The following SLC44A5 variants were observed in gnomAD, a reference collection of about 807,000 sequenced individuals.
The protein encoded by SLC44A5 is choline transporter-like protein 5.
In SLC44A5, 57 loss-of-function variants were observed where a neutral mutation model predicts 101.8. That is an observed-to-expected ratio of 0.56 (90% CI 0.45 to 0.70). SLC44A5 has a LOEUF of 0.70. SLC44A5 is among the 30% of genes least tolerant of loss of function. The pLI, the probability that SLC44A5 is intolerant of heterozygous loss-of-function variation, is 0.00. For missense variants in SLC44A5, 737 were observed against 853.1 expected, an observed-to-expected ratio of 0.86 and a Z score of 1.70; for synonymous variants, 281 against 290.9, an observed-to-expected ratio of 0.97 and a Z score of 0.35.
At chr1:75,485,526 C>T (rs1351516736) in intron 2 of SLC44A5, among the ~76,000 whole-genome samples, 1 of 152,200 alleles carries the variant, frequency 6.6e-6, no homozygotes, top group Non-Finnish European at 1.5e-5. Flanking sequence ...TGGTCACAAT[C>T]ATTCAACTAG....
In SLC44A5 at chr1:75,242,882, A is replaced by T; in HGVS notation, c.471+4T>A. 1 of 1,585,884 alleles carries T rather than the reference A, an allele frequency of 6.3e-7. No homozygotes were observed. Among genetic ancestry groups the T allele is most frequent in the East Asian group, 2.3e-5 (1 of 43,768 alleles). ...TCTCTTGCTTTAAGCTTAAACACACATACCTTCACAGGCTTAGCAGTGGTC... is the reference window on the plus strand; with the variant it reads ...TCTCTTGCTTTAAGCTTAAACACACTTACCTTCACAGGCTTAGCAGTGGTC... On this transcript the variant is annotated splice_donor_region_variant and intron_variant, in intron 8 of 23. Transcript: ENST00000370859.
chr1:75,476,497 T>A (rs932984828), intron 2 of SLC44A5, among the ~76,000 whole-genome samples: 19 of 152,114 alleles, frequency 1.2e-4, no homozygotes, highest in African/African-American at 4.6e-4. Flanking sequence ...TCTTTCCTAG[T>A]CAAAGAAAGG....
At chr1:75,683,679 C>T in the SLC44A5 span, among the ~76,000 whole-genome samples, 1 of 151,910 alleles carries the variant, frequency 6.6e-6, no homozygotes, top group Non-Finnish European at 1.5e-5. Flanking sequence ...GTGGGTGCAG[C>T]GCACCAGCAT....
chr1:75,674,683 G>GA, the SLC44A5 span, among the ~76,000 whole-genome samples: 4 of 151,800 alleles, frequency 2.6e-5, no homozygotes, highest in African/African-American at 4.8e-5. Context: ...CACCCAGCCA[G>GA]AAAAAATAAT....
the SLC44A5 span, among the ~76,000 whole-genome samples, chr1:75,630,939 CG>C: frequency 6.9e-6 from 1 of 145,146 alleles, no homozygotes. Context: ...GTCGCCTATC[CG>C]GGGAGCCATA....
chr1:75,642,615 C>T, the SLC44A5 span, among the ~76,000 whole-genome samples: 10 of 151,944 alleles, frequency 6.6e-5, no homozygotes, highest in Non-Finnish European at 1.5e-4. Flanking sequence ...AATTTATATC[C>T]TAATGTTTTA....
intron 4 of SLC44A5, among the ~76,000 whole-genome samples, chr1:75,303,568 A>G (rs934911857): frequency 6.6e-6 from 1 of 152,142 alleles, no homozygotes; most frequent in Non-Finnish European, 1.5e-5. Context: ...ACACTCTTTC[A>G]CTACTTGCAC....
intron 4 of SLC44A5, among the ~76,000 whole-genome samples, chr1:75,321,142 G>A (rs911428074): frequency 6.6e-6 from 1 of 152,000 alleles, no homozygotes; most frequent in Non-Finnish European, 1.5e-5. Context: ...TATAACTACA[G>A]GTCTCTAATT....
chr1:75,330,162 T>TATATACGTATATATGC (rs1656931166), intron 4 of SLC44A5, among the ~76,000 whole-genome samples: 1 of 123,400 alleles, frequency 8.1e-6, no homozygotes, highest in Non-Finnish European at 1.7e-5. Context: ...TATATGCATA[T>TATATACGTATATATGC]ATATACGTAT....
At chr1:75,226,036 G>T (rs529850837) in intron 13 of SLC44A5, among the ~76,000 whole-genome samples, 1 of 152,264 alleles carries the variant, frequency 6.6e-6, no homozygotes, top group East Asian at 1.9e-4. Flanking sequence ...TTGCTGAAGA[G>T]ATGTGGAATC....
chr1:75,347,036 T>C (rs746184648), intron 3 of SLC44A5, among the ~76,000 whole-genome samples: 22 of 152,172 alleles, frequency 1.4e-4, no homozygotes, highest in Non-Finnish European at 2.8e-4. Context: ...ATGATAATTT[T>C]CATCATTAAA....
chr1:75,207,506 T>C (rs1646771501), intron 23 of SLC44A5, among the ~76,000 whole-genome samples: 1 of 152,158 alleles, frequency 6.6e-6, no homozygotes, highest in Non-Finnish European at 1.5e-5. Context: ...TGCATGAAAT[T>C]AAGCCTCCCG....
the SLC44A5 span, among the ~76,000 whole-genome samples, chr1:75,659,418 A>AGGGAGGCT: frequency 2.1e-5 from 1 of 47,612 alleles, no homozygotes; most frequent in African/African-American, 8.6e-5. Flanking sequence ...AGAAAGAAAG[A>AGGGAGGCT]GGGAGGGTGG....
At chr1:75,261,801 A>G (rs1650532128) in intron 6 of SLC44A5, among the ~76,000 whole-genome samples, 1 of 152,124 alleles carries the variant, frequency 6.6e-6, no homozygotes, top group Admixed American at 6.5e-5. Flanking sequence ...GCAGCACATC[A>G]AAAAGCTTAT....
chr1:75,309,322 A>G (rs1655128906), intron 4 of SLC44A5, among the ~76,000 whole-genome samples: 1 of 152,170 alleles, frequency 6.6e-6, no homozygotes, highest in Non-Finnish European at 1.5e-5. Context: ...GCATGTGCCT[A>G]TAGTCTCAGC....
chr1:75,379,129 G>C lies in SLC44A5; in HGVS notation c.52+17454C>G, dbSNP rs1482021002. Among the ~76,000 whole-genome samples, 16 of 76,030 alleles carry C rather than the reference G, an allele frequency of 2.1e-4. 6 individuals carry two copies. The highest frequency in any genetic ancestry group is 2.0e-3 in the Admixed American group (16 of 7,946). 49.9% of individuals were successfully genotyped at this position (76,030 alleles called of 152,430 possible). A position where few individuals can be genotyped will look rare whatever the true frequency, so the allele number is the denominator to read the frequency against. Reference sequence around the variant, plus strand: ...TTGAGGCCAGATACAAGTCTTTTTCGATAAAAATGCTAAAAGATATGAAAG... The same window carrying C: ...TTGAGGCCAGATACAAGTCTTTTTCCATAAAAATGCTAAAAGATATGAAAG... On this transcript the variant is annotated intron_variant, in intron 3 of 23. Transcript: ENST00000370859.
intron 11 of SLC44A5, among the ~76,000 whole-genome samples, chr1:75,236,482 G>A (rs1043290336): frequency 6.6e-6 from 1 of 151,846 alleles, no homozygotes; most frequent in Non-Finnish European, 1.5e-5. Flanking sequence ...TTTATGTATC[G>A]CATATGTAGC....
chr1:75,283,120 C>A (rs1184615276), intron 5 of SLC44A5, among the ~76,000 whole-genome samples: 3 of 151,762 alleles, frequency 2.0e-5, no homozygotes, highest in African/African-American at 7.3e-5. Flanking sequence ...TACATTCCCA[C>A]CAGCAGTGTA....
intron 16 of SLC44A5, 114 bp from the exon 17 acceptor site, chr1:75,218,866 T>C (rs1647018060): frequency 2.1e-6 from 2 of 939,240 alleles, no homozygotes; most frequent in South Asian, 1.7e-5. Context: ...CTCTGTTAGC[T>C]CCTGCTCTTA....
Sources: gnomAD v4.1 joint callset for allele counts (sites outside exome capture counted in the v4.1 genomes callset) on GRCh38, gnomAD v4.1.1 for gene constraint, MANE v1.5 for transcripts, NCBI Gene and HGNC (gene_info 2026-07-23, HGNC 2026-07-21) for gene names.